The following CENPW variants were observed in gnomAD, a reference collection of about 807,000 sequenced individuals.
The protein encoded by CENPW is centromere protein W.
CENPW carries 3 observed loss-of-function variants against 11.1 expected under a neutral mutation model. The observed-to-expected ratio is 0.27, with a 90% CI of 0.12 to 0.70. CENPW has a LOEUF of 0.70. CENPW is among the 30% of genes least tolerant of loss of function. The pLI, the probability that CENPW is intolerant of heterozygous loss-of-function variation, is 0.77. For missense variants in CENPW, 100 were observed against 105.6 expected, an observed-to-expected ratio of 0.95 and a Z score of 0.23; for synonymous variants, 38 against 42.0, an observed-to-expected ratio of 0.91 and a Z score of 0.37.
At chr6:126,381,703 C>T in the CENPW span, among the ~76,000 whole-genome samples, 3 of 152,214 alleles carry the variant, frequency 2.0e-5, no homozygotes, top group African/African-American at 7.2e-5. Context: ...ATGGATCCCA[C>T]TGTCACTGCC....
chr6:126,478,267 A>G, the CENPW span, among the ~76,000 whole-genome samples: 48 of 151,888 alleles, frequency 3.2e-4, no homozygotes, highest in Non-Finnish European at 6.2e-4. Flanking sequence ...ATCTGAGTGA[A>G]TTGGTGTTTT....
intron 1 of CENPW, 33 bp from the exon 2 acceptor site, chr6:126,346,172 C>A (rs1181056442): frequency 3.8e-6 from 5 of 1,319,620 alleles, no homozygotes; most frequent in Non-Finnish European, 5.4e-6. Flanking sequence ...AGTATTTGAG[C>A]TTAAAAATCC....
the CENPW span, among the ~76,000 whole-genome samples, chr6:126,401,858 G>A: frequency 6.6e-6 from 1 of 152,074 alleles, no homozygotes; most frequent in Non-Finnish European, 1.5e-5. Context: ...TCTTATGTCT[G>A]TGGCTCCCAG....
chr6:126,403,366 C>T, the CENPW span, among the ~76,000 whole-genome samples: 1 of 152,070 alleles, frequency 6.6e-6, no homozygotes, highest in Non-Finnish European at 1.5e-5. Flanking sequence ...AGGCCTCTTG[C>T]ACTAAATAGC....
chr6:126,393,950 C>T, the CENPW span, among the ~76,000 whole-genome samples: 12 of 151,756 alleles, frequency 7.9e-5, no homozygotes, highest in Non-Finnish European at 1.6e-4. Flanking sequence ...TACAGCTACT[C>T]CTGCTCTTTT....
the CENPW span, among the ~76,000 whole-genome samples, chr6:126,466,972 A>G: frequency 1.3e-5 from 2 of 152,156 alleles, no homozygotes; most frequent in African/African-American, 2.4e-5. Context: ...TGAGAATTAC[A>G]AAACACTGCT....
chr6:126,438,642 G>A, the CENPW span, among the ~76,000 whole-genome samples: 1 of 151,440 alleles, frequency 6.6e-6, no homozygotes, highest in African/African-American at 2.4e-5. Flanking sequence ...TAAATTAAAG[G>A]GATCTTGTCA....
At chr6:126,379,860 G>C in the CENPW span, among the ~76,000 whole-genome samples, 965 of 152,182 alleles carry the variant, frequency 6.3e-3, 9 homozygotes, top group African/African-American at 0.021. Flanking sequence ...ATAAAAGTAG[G>C]CATTTTCCAA....
chr6:126,384,909 T>C, the CENPW span, among the ~76,000 whole-genome samples: 2 of 151,998 alleles, frequency 1.3e-5, no homozygotes, highest in South Asian at 4.1e-4. Flanking sequence ...GGAACTTAAA[T>C]TTACAAGAAA....
the CENPW span, among the ~76,000 whole-genome samples, chr6:126,479,227 C>A: frequency 1.5e-4 from 23 of 151,916 alleles, no homozygotes; most frequent in Non-Finnish European, 2.9e-4. Flanking sequence ...TCCACTTGGC[C>A]TCCTAGCCTG....
the CENPW span, among the ~76,000 whole-genome samples, chr6:126,463,203 A>G: frequency 2.6e-5 from 4 of 152,142 alleles, no homozygotes; most frequent in African/African-American, 7.2e-5. Context: ...GAGTGCACAC[A>G]CAAGAAGACT....
chr6:126,385,922 T>A, the CENPW span, among the ~76,000 whole-genome samples: 1 of 152,110 alleles, frequency 6.6e-6, no homozygotes, highest in African/African-American at 2.4e-5. Context: ...TACATTCATA[T>A]TGAAAAGAAG....
chr6:126,437,970 C>G, the CENPW span, among the ~76,000 whole-genome samples: 1 of 151,476 alleles, frequency 6.6e-6, no homozygotes, highest in Admixed American at 6.6e-5. Flanking sequence ...TATAAAAACA[C>G]TTTTATATGA....
intron 1 of CENPW, among the ~76,000 whole-genome samples, chr6:126,345,967 C>G (rs1467187004): frequency 6.6e-6 from 1 of 152,052 alleles, no homozygotes; most frequent in South Asian, 2.1e-4. Context: ...ACAAAATGGC[C>G]TTTGGTCTAG....
At chr6:126,435,729 C>T in the CENPW span, among the ~76,000 whole-genome samples, 1 of 151,780 alleles carries the variant, frequency 6.6e-6, no homozygotes, top group Non-Finnish European at 1.5e-5. Context: ...GTCACTTGCC[C>T]AGTGTAATGT....
chr6:126,441,820 A>G, the CENPW span, among the ~76,000 whole-genome samples: 23 of 151,722 alleles, frequency 1.5e-4, no homozygotes, highest in African/African-American at 5.1e-4. Flanking sequence ...TCCAGGGTAT[A>G]CATATGCCAC....
chr6:126,475,904 C>G, the CENPW span, among the ~76,000 whole-genome samples: 1 of 151,922 alleles, frequency 6.6e-6, no homozygotes, highest in Non-Finnish European at 1.5e-5. Context: ...TAGAAATTAT[C>G]GAGTTGCCAC....
the CENPW span, among the ~76,000 whole-genome samples, chr6:126,381,941 A>C: frequency 6.6e-6 from 1 of 152,166 alleles, no homozygotes; most frequent in Admixed American, 6.5e-5. Context: ...AACCCACCTC[A>C]GAGCGCAATT....
chr6:126,368,575 T>C, the CENPW span, among the ~76,000 whole-genome samples: 1 of 151,722 alleles, frequency 6.6e-6, no homozygotes, highest in Non-Finnish European at 1.5e-5. Context: ...GTTACATGAA[T>C]AAATTCTTTA....
Sources: gnomAD v4.1 joint callset for allele counts (sites outside exome capture counted in the v4.1 genomes callset) on GRCh38, gnomAD v4.1.1 for gene constraint, MANE v1.5 for transcripts, NCBI Gene and HGNC (gene_info 2026-07-23, HGNC 2026-07-21) for gene names.